Variants in NEO1 observed in about 807,000 individuals in gnomAD.
NEO1 encodes neogenin.
A neutral mutation model predicts 159.7 loss-of-function variants in NEO1; 63 were observed. That is an observed-to-expected ratio of 0.39 (90% CI 0.32 to 0.49). The LOEUF (loss-of-function observed/expected upper bound fraction) is 0.49, where lower values mean the gene tolerates loss of function less well. Ranked by LOEUF, NEO1 falls within the 20% of genes least tolerant of loss-of-function variation. The pLI, the probability that NEO1 is intolerant of heterozygous loss-of-function variation, is 0.85. For synonymous variants in NEO1, 633 were observed against 662.0 expected (o/e 0.96, Z 0.67); for missense variants, 1,615 against 1,831.0 (o/e 0.88, Z 2.15).
In NEO1 at chr15:73,116,723, C is replaced by T. The variant is rs781580096; in HGVS notation, c.314C>T (p.Pro105Leu). The change falls in exon 2 of 29, where the codon CCG becomes CTG. Residue 105 changes from proline to leucine, a missense_variant. By Grantham distance (98) the Pro-to-Leu change is moderately conservative. Around this residue, in one of 3 missense-constraint regions of NEO1, gnomAD observed 1,018 missense variants for 1,115.4 expected, o/e 0.91. Transcript: ENST00000261908. ...LVSDDRRQLL[P>L]DGSLFISNVV... Reference sequence around the variant, plus strand: ...TCAGATGATCGACGCCAGCTTCTCCCGGATGGATCTTTATTTATCAGCAAT... The same window carrying T: ...TCAGATGATCGACGCCAGCTTCTCCTGGATGGATCTTTATTTATCAGCAAT... 8.1e-5 allele frequency: 130 copies of T among 1,613,908 alleles called. 2 individuals are homozygous for T. In the South Asian group the frequency reaches 1.1e-3, roughly 13 times the overall value.
At chr15:73,185,121 A>G (rs1189486367) in intron 7 of NEO1, among the ~76,000 whole-genome samples, 1 of 152,152 alleles carries the variant, frequency 6.6e-6, no homozygotes, top group Non-Finnish European at 1.5e-5. Context: ...AGTGGTTGCC[A>G]GGGTTTGGGA....
At position 73,293,887 on chromosome 15, in the gene NEO1, G is replaced by A. The variant is rs182124930; in HGVS notation, c.3901+339G>A. On this transcript the variant is annotated intron_variant, in intron 26 of 28. Transcript: ENST00000261908. Reference sequence around the variant, plus strand: ...TTTGAAAGGAAAACTCATCCTGGGTGATTTCAGACACTAGTGGTTGCCTTT... The same window carrying A: ...TTTGAAAGGAAAACTCATCCTGGGTAATTTCAGACACTAGTGGTTGCCTTT... Among the ~76,000 whole-genome samples, 7 of 152,292 alleles carry A rather than the reference G, an allele frequency of 4.6e-5. No individual in the cohort carries two copies. In the East Asian group the frequency reaches 1.2e-3, roughly 25 times the overall value.
chr15:73,172,097 G>A (rs2035012350), intron 5 of NEO1, among the ~76,000 whole-genome samples: 1 of 152,126 alleles, frequency 6.6e-6, no homozygotes, highest in Admixed American at 6.5e-5. Flanking sequence ...GGCTGGGAAT[G>A]GAATGGATTA....
chr15:73,121,497 C>T (rs986522998), intron 2 of NEO1, among the ~76,000 whole-genome samples: 2 of 152,086 alleles, frequency 1.3e-5, no homozygotes, highest in Non-Finnish European at 2.9e-5. Flanking sequence ...CAGTGTTTCT[C>T]CATTGTAAAG....
intron 1 of NEO1, among the ~76,000 whole-genome samples, chr15:73,104,931 T>C (rs2070603470): frequency 6.6e-6 from 1 of 152,154 alleles, no homozygotes; most frequent in African/African-American, 2.4e-5. Flanking sequence ...TCCAATCACC[T>C]GCCACCAGGC....
At chr15:73,103,126 G>T (rs577754542) in intron 1 of NEO1, among the ~76,000 whole-genome samples, 33 of 152,176 alleles carry the variant, frequency 2.2e-4, no homozygotes, top group Non-Finnish European at 4.0e-4. Flanking sequence ...GACTTCAGTA[G>T]GTTTCAACTG....
intron 7 of NEO1, among the ~76,000 whole-genome samples, chr15:73,181,378 C>T (rs761265861): frequency 2.6e-5 from 4 of 152,124 alleles, no homozygotes; most frequent in Non-Finnish European, 4.4e-5. Context: ...CTAGAGAAAT[C>T]GGTGGAAAAG....
chr15:73,060,249 TTTTG>T (rs887772356), intron 1 of NEO1, among the ~76,000 whole-genome samples: 132 of 152,034 alleles, frequency 8.7e-4, no homozygotes, highest in African/African-American at 2.7e-3. Context: ...GGATAACTAG[TTTTG>T]TTTGTTTGTT....
In NEO1 at chr15:73,122,532, A is replaced by C; in HGVS notation, c.456A>C (p.Pro152=). 6.2e-7 allele frequency: 1 copy of C among 1,613,692 alleles called. No homozygotes were observed. Among genetic ancestry groups the C allele is most frequent in the Non-Finnish European group, 8.5e-7 (1 of 1,179,746 alleles). The change falls in exon 3 of 29, where the codon CCA becomes CCC. Residue 152 remains proline, a synonymous_variant. Transcript: ENST00000261908. ...TCTTCCTTTATTGTCCAGGTCTTCC[A>C]AGATTTACCAGCCAACCAGAACCTT... ...RTAKLIVAGL[P]RFTSQPEPSS...
intron 1 of NEO1, among the ~76,000 whole-genome samples, chr15:73,112,022 T>C (rs72741415): frequency 1.1e-4 from 16 of 152,278 alleles, no homozygotes; most frequent in Non-Finnish European, 2.4e-4. Context: ...ATCTTTCCTC[T>C]ACTCCCTTTC....
At chr15:73,273,335 G>T (rs552993626) in intron 19 of NEO1, among the ~76,000 whole-genome samples, 1 of 152,256 alleles carries the variant, frequency 6.6e-6, no homozygotes, top group South Asian at 2.1e-4. Context: ...CCTGCTTCTT[G>T]CTTTCAGTAG....
At chr15:73,098,564 G>GAAAGTTTA (rs2151491577) in intron 1 of NEO1, among the ~76,000 whole-genome samples, 1 of 152,156 alleles carries the variant, frequency 6.6e-6, no homozygotes, top group East Asian at 1.9e-4. Context: ...TCACTCCATG[G>GAAAGTTTA]TAGAAAATAA....
chr15:73,173,988 T>G (rs1301922324), intron 5 of NEO1, among the ~76,000 whole-genome samples: 1 of 151,514 alleles, frequency 6.6e-6, no homozygotes, highest in Non-Finnish European at 1.5e-5. Context: ...TAATCCCGGC[T>G]ACTTGAGAGG....
intron 7 of NEO1, among the ~76,000 whole-genome samples, chr15:73,185,501 G>A (rs2035869475): frequency 6.6e-6 from 1 of 152,186 alleles, no homozygotes; most frequent in African/African-American, 2.4e-5. Context: ...CAAGGATGTA[G>A]AGCAACAGGA....
chr15:73,194,640 T>G (rs1056470112), intron 7 of NEO1, among the ~76,000 whole-genome samples: 1 of 152,146 alleles, frequency 6.6e-6, no homozygotes, highest in Non-Finnish European at 1.5e-5. Context: ...ACAAACACTC[T>G]CCACTAGGCT....
intron 3 of NEO1, among the ~76,000 whole-genome samples, chr15:73,125,603 C>T (rs2030093825): frequency 6.6e-6 from 1 of 152,146 alleles, no homozygotes; most frequent in Non-Finnish European, 1.5e-5. Flanking sequence ...TGCCTGAGAC[C>T]TTTTTGTCAA....
intron 7 of NEO1, among the ~76,000 whole-genome samples, chr15:73,226,591 G>T (rs1417195597): frequency 6.6e-6 from 1 of 152,044 alleles, no homozygotes; most frequent in Non-Finnish European, 1.5e-5. Flanking sequence ...TTATTTTACG[G>T]TATATGTGTT....
chr15:73,076,172 G>C (rs543076149), intron 1 of NEO1, among the ~76,000 whole-genome samples: 1 of 152,088 alleles, frequency 6.6e-6, no homozygotes, highest in African/African-American at 2.4e-5. Flanking sequence ...TCTGCTTTTG[G>C]TTTGTGATGG....
chr15:73,270,329 C>G lies in NEO1; in HGVS notation c.2732C>G (p.Thr911Ser). ...ANTKYKNANA[T>S]TLSYLVTGLK... ...TGTTTTTTTCAGAATGCAAATGCAA[C>G]CACTTTGAGTTATTTGGTGACTGGT... The change falls in exon 18 of 29, where the codon ACC becomes AGC. Residue 911 changes from threonine to serine, a missense_variant. Physicochemically the swap from Thr to Ser is moderately conservative, Grantham distance 58. Around this residue, in one of 3 missense-constraint regions of NEO1, gnomAD observed 126 missense variants for 216.7 expected, o/e 0.58. Transcript: ENST00000261908. The G allele has an allele frequency of 6.2e-7, 1 of 1,614,054 alleles. No homozygotes were observed. Among genetic ancestry groups the G allele is most frequent in the Non-Finnish European group, 8.5e-7 (1 of 1,180,002 alleles).
Sources: allele counts gnomAD v4.1 joint callset (sites outside exome capture counted in the v4.1 genomes callset), GRCh38; gene constraint gnomAD v4.1.1; regional missense constraint gnomAD v4.1.1; transcripts MANE v1.5; gene names NCBI Gene and HGNC (gene_info 2026-07-23, HGNC 2026-07-21).